Variants in LDLRAD4 observed in about 807,000 individuals in gnomAD.
LDLRAD4 encodes the protein low density lipoprotein receptor class A domain containing 4, also known as low-density lipoprotein receptor class A domain-containing protein 4.
Under a neutral mutation model 17.0 loss-of-function variants are expected in LDLRAD4, and 5 were observed. The ratio of observed to expected loss-of-function variants is 0.29; its 90% CI spans 0.15 to 0.62. The LOEUF (loss-of-function observed/expected upper bound fraction) is 0.62. LDLRAD4 is among the 20% of genes least tolerant of loss of function. The pLI is 0.84. For synonymous variants in LDLRAD4, 168 were observed against 171.8 expected (o/e 0.98, Z 0.17); for missense variants, 340 against 424.7 (o/e 0.80, Z 1.75).
At position 13,344,077 on chromosome 18, in the gene LDLRAD4, T is replaced by G. The variant is rs182606572; in HGVS notation, c.-382-43264T>G. ...GGTTTCTTTTGCTGTGCAGAAGCTC[T>G]TTAGTTTAATTAGATCCCATTTGTC... On this transcript the variant is annotated intron_variant, in intron 1 of 5. Coordinates refer to ENST00000359446, the Ensembl canonical transcript of LDLRAD4. Among the ~76,000 whole-genome samples the G allele has an allele frequency of 4.5e-4, 69 of 152,342 alleles. 2 individuals are homozygous for G. The East Asian group carries it at 0.012, about 26-fold the overall frequency.
chr18:13,454,013 CG>C (rs1484502208), intron 3 of LDLRAD4, among the ~76,000 whole-genome samples: 15 of 152,260 alleles, frequency 9.9e-5, no homozygotes, highest in African/African-American at 3.6e-4. Context: ...GGGACAGAGC[CG>C]GAGGCTGCGC....
At chr18:13,632,134 G>C (rs1182859186) in intron 4 of LDLRAD4, among the ~76,000 whole-genome samples, 1 of 152,142 alleles carries the variant, frequency 6.6e-6, no homozygotes, top group Non-Finnish European at 1.5e-5. Flanking sequence ...AATCATCTCA[G>C]TTGATGCAGA....
intron 2 of LDLRAD4, among the ~76,000 whole-genome samples, chr18:13,434,918 C>T (rs2090557421): frequency 6.6e-6 from 1 of 152,220 alleles, no homozygotes; most frequent in African/African-American, 2.4e-5. Context: ...TGGAGCCAGG[C>T]CAGAGGGTGC....
intron 3 of LDLRAD4, among the ~76,000 whole-genome samples, chr18:13,552,382 AC>A (rs1469197828): frequency 2.0e-5 from 3 of 152,214 alleles, no homozygotes; most frequent in African/African-American, 4.8e-5. Flanking sequence ...CAAGGCACTT[AC>A]GTTTTATGCC....
At chr18:13,347,110 T>C (rs1421810132) in intron 1 of LDLRAD4, among the ~76,000 whole-genome samples, 1 of 151,822 alleles carries the variant, frequency 6.6e-6, no homozygotes, top group African/African-American at 2.4e-5. Context: ...TTGATCCTGT[T>C]ATTATGATGT....
At chr18:13,218,667 C>T (rs1470814951), upstream of LDLRAD4, 1 of 152,152 alleles carries the variant, frequency 6.6e-6, no homozygotes, top group Non-Finnish European at 1.5e-5. Context: ...CCCTCGGGCC[C>T]GCTTCACCCG....
At chr18:13,399,091 A>G (rs1273854330) in intron 2 of LDLRAD4, among the ~76,000 whole-genome samples, 2 of 152,178 alleles carry the variant, frequency 1.3e-5, no homozygotes, top group East Asian at 1.9e-4. Context: ...GTGTGTGCCT[A>G]TAGTCCTGGC....
chr18:13,354,309 A>G (rs1599628846), intron 1 of LDLRAD4, among the ~76,000 whole-genome samples: 6 of 152,354 alleles, frequency 3.9e-5, no homozygotes, highest in Admixed American at 3.9e-4. Flanking sequence ...GCTAAAATTT[A>G]TCATATGGAA....
chr18:13,355,162 T>TATG (rs1398110383), intron 1 of LDLRAD4, among the ~76,000 whole-genome samples: 1 of 152,254 alleles, frequency 6.6e-6, no homozygotes, highest in East Asian at 1.9e-4. Context: ...GCTCCTGCAC[T>TATG]TTAGTCTATG....
intron 3 of LDLRAD4, among the ~76,000 whole-genome samples, chr18:13,586,370 G>GCACTTCA (rs975977663): frequency 8.3e-6 from 1 of 120,442 alleles, no homozygotes; most frequent in Non-Finnish European, 1.6e-5. Context: ...TCGTGCCACT[G>GCACTTCA]CACTTCAGCC....
intron 4 of LDLRAD4, among the ~76,000 whole-genome samples, chr18:13,629,596 T>C (rs1302014911): frequency 1.3e-5 from 2 of 152,240 alleles, no homozygotes; most frequent in Admixed American, 6.5e-5. Context: ...CCAGAGTAAT[T>C]CATTTGAACA....
At chr18:13,234,234 C>T (rs763744844) in intron 1 of LDLRAD4, among the ~76,000 whole-genome samples, 49 of 152,306 alleles carry the variant, frequency 3.2e-4, no homozygotes, top group Non-Finnish European at 6.0e-4. Context: ...CTCGGGCCTC[C>T]CTCCTGCTGA....
At chr18:13,531,083 A>G (rs1251847075) in intron 3 of LDLRAD4, among the ~76,000 whole-genome samples, 4 of 152,036 alleles carry the variant, frequency 2.6e-5, no homozygotes, top group African/African-American at 9.7e-5. Flanking sequence ...CACTCTACAA[A>G]ACTAGAAGTT....
chr18:13,369,926 C>G (rs577205149), intron 1 of LDLRAD4, among the ~76,000 whole-genome samples: 1 of 152,344 alleles, frequency 6.6e-6, no homozygotes, highest in South Asian at 2.1e-4. Context: ...CCTGACCACG[C>G]CTGCCACCCA....
chr18:13,400,124 T>C (rs2087043426), intron 2 of LDLRAD4, among the ~76,000 whole-genome samples: 1 of 152,222 alleles, frequency 6.6e-6, no homozygotes, highest in Non-Finnish European at 1.5e-5. Flanking sequence ...GGCACTGGGC[T>C]AGGTGCTTGG....
intron 3 of LDLRAD4, among the ~76,000 whole-genome samples, chr18:13,441,510 T>C (rs2091020316): frequency 6.6e-6 from 1 of 152,214 alleles, no homozygotes; most frequent in Non-Finnish European, 1.5e-5. Context: ...CTGGGGGATA[T>C]ACTCAGTGTT....
intron 3 of LDLRAD4, chr18:13,488,338 G>A (rs2147064794): frequency 6.6e-6 from 1 of 152,472 alleles, no homozygotes; most frequent in East Asian, 1.9e-4. Context: ...CCACTGCCTT[G>A]GAGAGGAGAG....
intron 1 of LDLRAD4, among the ~76,000 whole-genome samples, chr18:13,227,597 A>G (rs894236588): frequency 6.6e-6 from 1 of 152,090 alleles, no homozygotes; most frequent in African/African-American, 2.4e-5. Flanking sequence ...AATACCCGAG[A>G]CTGGGTAATT....
exon 6 of LDLRAD4, chr18:13,648,653 A>C (rs974867408): frequency 6.6e-6 from 1 of 152,188 alleles, no homozygotes; most frequent in Non-Finnish European, 1.5e-5. Context: ...TATAGAACCC[A>C]TGGGTCCAGT....
Sources: gnomAD v4.1 joint callset for allele counts (sites outside exome capture counted in the v4.1 genomes callset) on GRCh38, gnomAD v4.1.1 for gene constraint, MANE v1.5 for transcripts, NCBI Gene and HGNC (gene_info 2026-07-23, HGNC 2026-07-21) for gene names.